Variants in ANKS1B observed in about 807,000 individuals in gnomAD.
ANKS1B encodes the protein ankyrin repeat and sterile alpha motif domain containing 1B, also known as ankyrin repeat and sterile alpha motif domain-containing protein 1B.
ANKS1B carries 36 observed loss-of-function variants against 148.3 expected under a neutral mutation model. The ratio of observed to expected loss-of-function variants is 0.24; its 90% CI spans 0.19 to 0.32. The LOEUF (loss-of-function observed/expected upper bound fraction) is 0.32. ANKS1B is among the 10% of genes least tolerant of loss of function. The pLI, the probability that ANKS1B is intolerant of heterozygous loss-of-function variation, is 1.00. For synonymous variants in ANKS1B, 542 were observed against 560.8 expected (o/e 0.97, Z 0.47); for missense variants, 1,157 against 1,542.6 (o/e 0.75, Z 4.19).
At chr12:99,012,754 T>C (rs1046902177) in intron 17 of ANKS1B, among the ~76,000 whole-genome samples, 9 of 152,192 alleles carry the variant, frequency 5.9e-5, no homozygotes, top group African/African-American at 2.2e-4. Context: ...TTTACTATGA[T>C]ATTCATCAAT....
At chr12:99,931,123 A>G (rs1402160325) in intron 1 of ANKS1B, among the ~76,000 whole-genome samples, 1 of 152,058 alleles carries the variant, frequency 6.6e-6, no homozygotes, top group Non-Finnish European at 1.5e-5. Context: ...GTTCTCACTC[A>G]TAGGTGGAAT....
chr12:98,836,527 T>C (rs1300667590), intron 17 of ANKS1B, among the ~76,000 whole-genome samples: 1 of 152,100 alleles, frequency 6.6e-6, no homozygotes, highest in Non-Finnish European at 1.5e-5. Context: ...AGATGGTCAT[T>C]ATGGAAAAGT....
chr12:99,349,944 A>G (rs1415148862), intron 12 of ANKS1B, among the ~76,000 whole-genome samples: 1 of 152,054 alleles, frequency 6.6e-6, no homozygotes, highest in Non-Finnish European at 1.5e-5. Context: ...AAAATGGCAC[A>G]TTTTATGTTA....
At chr12:99,181,324 G>T (rs1280248700) in intron 14 of ANKS1B, among the ~76,000 whole-genome samples, 1 of 151,796 alleles carries the variant, frequency 6.6e-6, no homozygotes, top group Non-Finnish European at 1.5e-5. Context: ...TCTTTTGAAA[G>T]CCCCAACCAT....
chr12:99,278,451 A>C (rs2077968770), intron 12 of ANKS1B, among the ~76,000 whole-genome samples: 1 of 152,242 alleles, frequency 6.6e-6, no homozygotes, highest in Non-Finnish European at 1.5e-5. Context: ...CTGTTCCCAC[A>C]GCTGATATTT....
rs543754276 is a variant in ANKS1B at position 99,386,870 on chromosome 12, G to GA, written c.1756+12760dup. Among the ~76,000 whole-genome samples, 31 of 152,266 alleles carry GA rather than the reference G, an allele frequency of 2.0e-4. No individual in the cohort carries two copies. In the South Asian group the frequency reaches 4.3e-3, roughly 21 times the overall value. On this transcript the variant is annotated intron_variant, in intron 12 of 26. Coordinates refer to ENST00000683438, the MANE Select transcript of ANKS1B (RefSeq NM_001352186.2). ...CTTCCGAAGAAAGCAATGTAGTTCA[G>GA]AAAAAACTACAGAGCTCACCTTACT... is the stretch of plus-strand genomic sequence containing the variant.
At chr12:99,224,192 T>C (rs1039016240) in intron 14 of ANKS1B, among the ~76,000 whole-genome samples, 8 of 152,130 alleles carry the variant, frequency 5.3e-5, no homozygotes, top group Non-Finnish European at 1.2e-4. Flanking sequence ...CTGTATTCAA[T>C]TGCATGGAGA....
intron 15 of ANKS1B, among the ~76,000 whole-genome samples, chr12:99,133,726 T>C (rs2066952929): frequency 1.3e-5 from 2 of 152,330 alleles, no homozygotes; most frequent in South Asian, 4.1e-4. Context: ...ATAAGCCTAT[T>C]TACTCCGGGC....
Position 99,984,122 on chromosome 12 carries a change from G to C in ANKS1B, c.116C>G (p.Pro39Arg), listed in dbSNP as rs371362237. 1.9e-6 allele frequency: 3 copies of C among 1,613,464 alleles called. No homozygotes were observed. Among genetic ancestry groups the C allele is most frequent in the South Asian group, 1.1e-5 (1 of 91,036 alleles). ...TCCTTACCTTAGCAGATTAGACAGG[G>C]GCAGGGGTCCGGATCCACCGCCCAG... is the stretch of plus-strand genomic sequence containing the variant. ...GILGGGSGPL[P>R]LSNLLSIWRG... Residue 39 changes from proline (P) to arginine (R), a missense_variant, in exon 1 of 27, where the codon CCC becomes CGC. This residue lies in a region of ANKS1B where 164 missense variants were observed against 232.6 expected (regional missense o/e 0.71). Coordinates refer to ENST00000683438, the MANE Select transcript of ANKS1B (RefSeq NM_001352186.2).
intron 8 of ANKS1B, among the ~76,000 whole-genome samples, chr12:99,658,228 T>C (rs932424038): frequency 6.6e-6 from 1 of 152,146 alleles, no homozygotes; most frequent in Non-Finnish European, 1.5e-5. Context: ...TCACTAGCCG[T>C]ATGATTTTCA....
At chr12:98,856,522 A>AT (rs1170949274) in intron 17 of ANKS1B, among the ~76,000 whole-genome samples, 1 of 152,218 alleles carries the variant, frequency 6.6e-6, no homozygotes, top group Non-Finnish European at 1.5e-5. Context: ...ATGAAGACTG[A>AT]TTTGTTAACA....
intron 1 of ANKS1B, among the ~76,000 whole-genome samples, chr12:99,870,936 C>A (rs2091434920): frequency 6.6e-6 from 1 of 151,858 alleles, no homozygotes; most frequent in African/African-American, 2.4e-5. Flanking sequence ...AAATTAGGTC[C>A]TACTCGTCAA....
At chr12:99,353,036 T>G (rs2091597764) in intron 12 of ANKS1B, among the ~76,000 whole-genome samples, 1 of 152,002 alleles carries the variant, frequency 6.6e-6, no homozygotes, top group Non-Finnish European at 1.5e-5. Context: ...CCCCACAAGT[T>G]TCACTGTACA....
At chr12:99,542,645 T>A (rs575295257) in intron 9 of ANKS1B, among the ~76,000 whole-genome samples, 1 of 151,738 alleles carries the variant, frequency 6.6e-6, no homozygotes, top group African/African-American at 2.4e-5. Context: ...GTGGGAGGAG[T>A]CACTCTTCCC....
intron 15 of ANKS1B, among the ~76,000 whole-genome samples, chr12:99,108,352 C>T (rs2059642263): frequency 6.6e-6 from 1 of 152,210 alleles, no homozygotes; most frequent in Non-Finnish European, 1.5e-5. Context: ...ATCTGTCCAC[C>T]TAATGTCCCC....
At position 98,777,286 on chromosome 12, in the gene ANKS1B, C is replaced by T. The variant is rs550460851; in HGVS notation, c.3441+3831G>A. On this transcript the variant is annotated intron_variant, in intron 24 of 26. Coordinates refer to ENST00000683438, the MANE Select transcript of ANKS1B (RefSeq NM_001352186.2). ...TTTTGTGCCCCTAAAATAGCATAGG[C>T]CTTGTTTAAAATTGGCATTCCAAAA... is the stretch of plus-strand genomic sequence containing the variant. Among the ~76,000 whole-genome samples, 5 of 152,286 alleles carry T rather than the reference C, an allele frequency of 3.3e-5. No homozygotes were observed. The East Asian group carries it at 7.7e-4, about 23-fold the overall frequency.
intron 24 of ANKS1B, among the ~76,000 whole-genome samples, chr12:98,780,434 G>A (rs980175665): frequency 3.3e-5 from 5 of 152,204 alleles, no homozygotes; most frequent in African/African-American, 1.2e-4. Context: ...TGTCAAGAAA[G>A]GAATGCTTTT....
chr12:99,704,276 G>A (rs80027696), intron 8 of ANKS1B, among the ~76,000 whole-genome samples: 9,433 of 152,046 alleles, frequency 0.062, 382 homozygotes, highest in Non-Finnish European at 0.093. Flanking sequence ...GGCAGATGGA[G>A]GCCTTTTCCC....
intron 9 of ANKS1B, among the ~76,000 whole-genome samples, chr12:99,512,874 G>A (rs890625290): frequency 2.0e-5 from 3 of 151,866 alleles, no homozygotes; most frequent in Non-Finnish European, 2.9e-5. Context: ...ACACATGGGG[G>A]GAAAAACACA....
Sources: gnomAD v4.1 joint callset for allele counts (sites outside exome capture counted in the v4.1 genomes callset) on GRCh38, gnomAD v4.1.1 for gene constraint, gnomAD v4.1.1 regional missense constraint, MANE v1.5 for transcripts, NCBI Gene and HGNC (gene_info 2026-07-23, HGNC 2026-07-21) for gene names.